The following SAMD4A variants were observed in gnomAD, a reference collection of about 807,000 sequenced individuals.
SAMD4A encodes the protein protein Smaug homolog 1.
A neutral mutation model predicts 81.3 loss-of-function variants in SAMD4A; 33 were observed. The observed-to-expected ratio is 0.41, with a 90% CI of 0.31 to 0.54. The LOEUF (loss-of-function observed/expected upper bound fraction) is 0.54. SAMD4A is among the 20% of genes least tolerant of loss of function. SAMD4A has a pLI of 0.37. For missense variants in SAMD4A, 854 were observed against 951.1 expected, an observed-to-expected ratio of 0.90 and a Z score of 1.34; for synonymous variants, 389 against 382.1, an observed-to-expected ratio of 1.02 and a Z score of -0.21.
At chr14:54,706,726 T>G (rs1248347429) in intron 3 of SAMD4A, among the ~76,000 whole-genome samples, 3 of 151,610 alleles carry the variant, frequency 2.0e-5, no homozygotes, top group African/African-American at 7.3e-5. Context: ...AGGGGGCCCC[T>G]GGGTAGGAAT....
chr14:54,624,277 C>T (rs1431641626), intron 2 of SAMD4A, among the ~76,000 whole-genome samples: 1 of 152,254 alleles, frequency 6.6e-6, no homozygotes, highest in Non-Finnish European at 1.5e-5. Flanking sequence ...CCGGCCCACT[C>T]TTATTTAATT....
At chr14:54,745,556 TAA>T (rs2140957167) in intron 4 of SAMD4A, among the ~76,000 whole-genome samples, 1 of 152,314 alleles carries the variant, frequency 6.6e-6, no homozygotes, top group East Asian at 1.9e-4. Flanking sequence ...AATTTTTGTA[TAA>T]GTCAGCCATT....
intron 2 of SAMD4A, among the ~76,000 whole-genome samples, chr14:54,699,344 G>A (rs986005294): frequency 6.6e-6 from 1 of 152,150 alleles, no homozygotes; most frequent in Non-Finnish European, 1.5e-5. Context: ...CTTGTGTCAG[G>A]TGGCAATTAG....
intron 2 of SAMD4A, among the ~76,000 whole-genome samples, chr14:54,631,308 C>T (rs1343874570): frequency 6.6e-6 from 1 of 152,144 alleles, no homozygotes; most frequent in Admixed American, 6.5e-5. Flanking sequence ...CATATAAAAA[C>T]GTTCAGAATA....
chr14:54,676,589 G>A (rs1453494668), intron 2 of SAMD4A, among the ~76,000 whole-genome samples: 3 of 151,978 alleles, frequency 2.0e-5, no homozygotes, highest in African/African-American at 7.3e-5. Context: ...CACCATGTTG[G>A]CAAGGCTGGT....
chr14:54,697,713 C>A (rs2036610851), intron 2 of SAMD4A, among the ~76,000 whole-genome samples: 1 of 152,152 alleles, frequency 6.6e-6, no homozygotes, highest in Admixed American at 6.5e-5. Flanking sequence ...CAGCTTAAAA[C>A]AATAAACATG....
At position 54,621,697 on chromosome 14, in the gene SAMD4A, A is replaced by G. The variant is rs144131283; in HGVS notation, c.196+53585A>G. ...TTTTGATGTACATAAGCATTCCCAT[A>G]TTCTAGACCAGATTCTTTCTTTACT... is the stretch of plus-strand genomic sequence containing the variant. On this transcript the variant is annotated intron_variant, in intron 2 of 12. Coordinates refer to ENST00000554335, the MANE Select transcript of SAMD4A (RefSeq NM_015589.6). 1.1e-3 allele frequency among the ~76,000 whole-genome samples: 165 copies of G among 152,266 alleles called. 1 individual carries two copies. The highest frequency in any genetic ancestry group is 3.7e-3 in the African/African-American group (155 of 41,548).
chr14:54,703,007 AT>A (rs553851505), intron 3 of SAMD4A: 364 of 152,038 alleles, frequency 2.4e-3, no homozygotes, highest in Middle Eastern at 6.3e-3. Flanking sequence ...CTTTCTCTTT[AT>A]TTTTTTTTTC....
chr14:54,606,210 T>TGTGTGTGC (rs1039478105), intron 2 of SAMD4A, among the ~76,000 whole-genome samples: 1 of 150,344 alleles, frequency 6.7e-6, no homozygotes, highest in African/African-American at 2.5e-5. Flanking sequence ...TGTGTGTGTG[T>TGTGTGTGC]GTGCGTGCAC....
chr14:54,663,858 C>G (rs765557359), intron 2 of SAMD4A, among the ~76,000 whole-genome samples: 37 of 152,188 alleles, frequency 2.4e-4, no homozygotes, highest in Non-Finnish European at 4.9e-4. Context: ...ATGGGCTGCT[C>G]TCCAGTGAGC....
chr14:54,623,307 A>G (rs750559200), intron 2 of SAMD4A, among the ~76,000 whole-genome samples: 29 of 152,138 alleles, frequency 1.9e-4, no homozygotes, highest in Non-Finnish European at 3.2e-4. Context: ...CAGCTTCTCA[A>G]TAGGGCCTCA....
At chr14:54,591,536 T>G (rs1187597) in intron 2 of SAMD4A, among the ~76,000 whole-genome samples, 72,499 of 151,604 alleles carry the variant, frequency 0.48, 17,579 homozygotes, top group African/African-American at 0.56. Flanking sequence ...TGTTTTTTTT[T>G]TTTTGTTTTG....
intron 2 of SAMD4A, among the ~76,000 whole-genome samples, chr14:54,648,241 G>T (rs1002947538): frequency 1.3e-5 from 2 of 152,198 alleles, no homozygotes; most frequent in Non-Finnish European, 2.9e-5. Flanking sequence ...GAGGTGTGGG[G>T]TTTCAGTGAG....
intron 2 of SAMD4A, among the ~76,000 whole-genome samples, chr14:54,642,008 G>A (rs2035185967): frequency 6.6e-6 from 1 of 152,158 alleles, no homozygotes; most frequent in African/African-American, 2.4e-5. Flanking sequence ...ATGTTGGCCA[G>A]GCTGGTCTTG....
intron 2 of SAMD4A, among the ~76,000 whole-genome samples, chr14:54,630,454 T>G (rs1017175605): frequency 1.3e-5 from 2 of 152,246 alleles, no homozygotes; most frequent in Admixed American, 6.5e-5. Context: ...CATCGTCCCA[T>G]GTGCTTATTA....
At chr14:54,752,699 G>C (rs529568559) in intron 6 of SAMD4A, among the ~76,000 whole-genome samples, 2 of 152,208 alleles carry the variant, frequency 1.3e-5, no homozygotes, top group Non-Finnish European at 2.9e-5. Flanking sequence ...ACAAAGTATA[G>C]AGAAACAACA....
intron 2 of SAMD4A, among the ~76,000 whole-genome samples, chr14:54,579,654 C>A (rs72711688): frequency 0.038 from 5,726 of 152,222 alleles, 170 homozygotes; most frequent in Non-Finnish European, 0.059. Flanking sequence ...TGTTTTTCCA[C>A]TGGCTTTAAA....
At chr14:54,751,363 C>CT (rs2038097709) in intron 5 of SAMD4A, 88 bp from the exon 6 acceptor site, 4 of 824,708 alleles carry the variant, frequency 4.9e-6, no homozygotes, top group Non-Finnish European at 7.9e-6. Flanking sequence ...GCAAAGAAGA[C>CT]AGTAAAAGCC....
At chr14:54,570,445 C>T (rs1018030825) in intron 2 of SAMD4A, among the ~76,000 whole-genome samples, 62 of 152,188 alleles carry the variant, frequency 4.1e-4, no homozygotes, top group African/African-American at 1.5e-3. Context: ...ACAATCCTAA[C>T]ATTTAAAAAA....
Sources: gnomAD v4.1 joint callset for allele counts (sites outside exome capture counted in the v4.1 genomes callset) on GRCh38, gnomAD v4.1.1 for gene constraint, MANE v1.5 for transcripts, NCBI Gene and HGNC (gene_info 2026-07-23, HGNC 2026-07-21) for gene names.